EYS: variants seen among roughly 807,000 people sequenced by gnomAD.
EYS encodes protein eyes shut homolog.
Under a neutral mutation model 282.1 loss-of-function variants are expected in EYS, and 250 were observed. That is an observed-to-expected ratio of 0.89 (90% CI 0.80 to 0.98). The LOEUF is 0.98. Among genes scored for constraint, EYS ranks in the 50% least tolerant of loss-of-function variants. The pLI is 0.00. For missense variants in EYS, 4,016 were observed against 3,709.0 expected (o/e 1.08, Z -2.15); for synonymous variants, 1,355 against 1,282.9 (o/e 1.06, Z -1.20).
Position 64,670,028 on chromosome 6 carries a change from A to G in EYS, c.3444-43783T>C, listed in dbSNP as rs73439000. Among the ~76,000 whole-genome samples, 666 of 152,304 alleles carry G rather than the reference A, an allele frequency of 4.4e-3. 4 individuals are homozygous for G. Among genetic ancestry groups the G allele is most frequent in the African/African-American group, 0.015 (614 of 41,570 alleles). On this transcript the variant is annotated intron_variant, in intron 22 of 42. Coordinates refer to ENST00000503581, the MANE Select transcript of EYS (RefSeq NM_001142800.2). Reference sequence around the variant, plus strand: ...AAAACTCTTATAAGCTTTACAACCTAGGACTAAGTTTCTCCAGGATCCGGG... The same window carrying G: ...AAAACTCTTATAAGCTTTACAACCTGGGACTAAGTTTCTCCAGGATCCGGG...
chr6:63,863,452 G>A (rs543512895), intron 36 of EYS, among the ~76,000 whole-genome samples: 5 of 152,018 alleles, frequency 3.3e-5, no homozygotes, highest in African/African-American at 9.6e-5. Flanking sequence ...GTTTTGTAAA[G>A]CAACTGGGCT....
chr6:64,548,775 A>G (rs1203485003), intron 26 of EYS, among the ~76,000 whole-genome samples: 1 of 152,166 alleles, frequency 6.6e-6, no homozygotes, highest in African/African-American at 2.4e-5. Flanking sequence ...ACATGTATAC[A>G]TATGTAACAA....
chr6:63,960,053 G>A (rs533738424), intron 35 of EYS, among the ~76,000 whole-genome samples: 1 of 151,868 alleles, frequency 6.6e-6, no homozygotes, highest in East Asian at 1.9e-4. Context: ...ATTACATTTT[G>A]TAAGGCTATA....
At chr6:64,237,719 C>G (rs1224205116) in intron 30 of EYS, among the ~76,000 whole-genome samples, 1 of 151,988 alleles carries the variant, frequency 6.6e-6, no homozygotes, top group Non-Finnish European at 1.5e-5. Flanking sequence ...TCAGCTAGTT[C>G]CAAAATTTTA....
chr6:65,180,298 T>G, intron 12 of EYS, among the ~76,000 whole-genome samples: 1 of 151,916 alleles, frequency 6.6e-6, no homozygotes, highest in East Asian at 1.9e-4. Flanking sequence ...ATTGTATATC[T>G]AGAAAACCCC....
At chr6:64,120,182 C>T (rs1453471853) in intron 31 of EYS, among the ~76,000 whole-genome samples, 14 of 144,552 alleles carry the variant, frequency 9.7e-5, no homozygotes, top group Admixed American at 8.1e-4. Flanking sequence ...CCTGTCTCTA[C>T]TAAAAAAAAA....
chr6:64,365,126 A>G (rs949544047), intron 29 of EYS, among the ~76,000 whole-genome samples: 6 of 152,026 alleles, frequency 3.9e-5, no homozygotes, highest in Non-Finnish European at 7.4e-5. Flanking sequence ...AATGACACAC[A>G]AAAGATTCTT....
In EYS at chr6:64,004,182, T is replaced by C. The variant is rs1582115041; in HGVS notation, c.6726-4999A>G. 3.3e-5 allele frequency among the ~76,000 whole-genome samples: 5 copies of C among 152,308 alleles called. No homozygotes were observed. The South Asian group carries it at 1.0e-3, about 32-fold the overall frequency. On this transcript the variant is annotated intron_variant, in intron 33 of 42. Transcript: ENST00000503581. ...CCTTATTTTTTTCTGTCTGACATTC[T>C]TCTTAGGTATCATTTTTTTCTTCAA...
intron 22 of EYS, among the ~76,000 whole-genome samples, chr6:64,689,127 A>C (rs1318182161): frequency 1.3e-5 from 2 of 152,340 alleles, no homozygotes; most frequent in Admixed American, 6.5e-5. Context: ...GCAAAGTCTC[A>C]GGATACAAAA....
At chr6:65,599,871 G>C (rs1240405756) in intron 2 of EYS, among the ~76,000 whole-genome samples, 1 of 151,980 alleles carries the variant, frequency 6.6e-6, no homozygotes, top group East Asian at 1.9e-4. Context: ...CAAATACCTT[G>C]AGTGCTATGT....
Position 65,307,623 on chromosome 6 carries a change from T to C in EYS, c.1767-11504A>G. On this transcript the variant is annotated intron_variant, in intron 11 of 42. Transcript: ENST00000503581. ...TCCATTTTCAGTTTCTCTTAGCAGT[T>C]TTCAGGAGCTTCAATCCGTTAATTC... Among the ~76,000 whole-genome samples the C allele has an allele frequency of 1.4e-5, 2 of 138,394 alleles. 1 individual carries two copies. Among genetic ancestry groups the C allele is most frequent in the Non-Finnish European group, 3.3e-5 (2 of 60,500 alleles). 90.8% of individuals were successfully genotyped at this position (138,394 alleles called of 152,430 possible).
intron 29 of EYS, among the ~76,000 whole-genome samples, chr6:64,378,715 C>T (rs1772646264): frequency 6.6e-6 from 1 of 152,098 alleles, no homozygotes; most frequent in South Asian, 2.1e-4. Flanking sequence ...TCCAAGGCAC[C>T]ATGGCAATGA....
intron 1 of EYS, among the ~76,000 whole-genome samples, chr6:65,675,336 C>A (rs1488942900): frequency 6.6e-6 from 1 of 151,258 alleles, no homozygotes; most frequent in Non-Finnish European, 1.5e-5. Context: ...AAGATAAAAA[C>A]CAAAACCATG....
At chr6:65,115,639 A>T (rs1490753433) in intron 12 of EYS, among the ~76,000 whole-genome samples, 1 of 152,110 alleles carries the variant, frequency 6.6e-6, no homozygotes, top group East Asian at 1.9e-4. Context: ...GAAATAGTCT[A>T]TTGAGGATTT....
chr6:64,025,448 T>C (rs1191430114), intron 33 of EYS, among the ~76,000 whole-genome samples: 1 of 152,198 alleles, frequency 6.6e-6, no homozygotes, highest in Non-Finnish European at 1.5e-5. Flanking sequence ...TGGGTCCTAA[T>C]GCCTACCAGA....
At chr6:64,704,221 T>G (rs967991710) in intron 22 of EYS, among the ~76,000 whole-genome samples, 1 of 150,852 alleles carries the variant, frequency 6.6e-6, no homozygotes, top group African/African-American at 2.4e-5. Flanking sequence ...AAATTTTAGA[T>G]GTATTCATAT....
chr6:64,820,582 A>T (rs548301665), intron 21 of EYS, among the ~76,000 whole-genome samples: 1 of 152,310 alleles, frequency 6.6e-6, no homozygotes, highest in East Asian at 1.9e-4. Context: ...ACAGATAATT[A>T]TGCTTTTTAA....
At chr6:64,182,043 A>T (rs941852113) in intron 31 of EYS, among the ~76,000 whole-genome samples, 2 of 152,150 alleles carry the variant, frequency 1.3e-5, no homozygotes, top group African/African-American at 4.8e-5. Flanking sequence ...AGTATTAAAT[A>T]TTCATTTTCA....
At chr6:65,521,287 G>A (rs1249903089) in intron 2 of EYS, among the ~76,000 whole-genome samples, 1 of 152,070 alleles carries the variant, frequency 6.6e-6, no homozygotes, top group Non-Finnish European at 1.5e-5. Context: ...AACCCTGGGG[G>A]AAGAAATCTT....
Sources: allele counts gnomAD v4.1 joint callset (sites outside exome capture counted in the v4.1 genomes callset), GRCh38; gene constraint gnomAD v4.1.1; transcripts MANE v1.5; gene names NCBI Gene and HGNC (gene_info 2026-07-23, HGNC 2026-07-21).